TMPRSS4: variants seen among roughly 807,000 people sequenced by gnomAD.
TMPRSS4 encodes transmembrane protease serine 4.
In TMPRSS4, 45 loss-of-function variants were observed where a neutral mutation model predicts 56.4. The observed-to-expected ratio is 0.80, with a 90% CI of 0.63 to 1.02. The LOEUF (loss-of-function observed/expected upper bound fraction) is 1.02. TMPRSS4 is among the 50% of genes least tolerant of loss of function. The pLI is 0.00. For missense variants in TMPRSS4, 546 were observed against 556.7 expected, an observed-to-expected ratio of 0.98 and a Z score of 0.19; for synonymous variants, 205 against 211.0, an observed-to-expected ratio of 0.97 and a Z score of 0.25.
chr11:118,109,199 C>G (rs1254530036), intron 7 of TMPRSS4, among the ~76,000 whole-genome samples: 1 of 152,212 alleles, frequency 6.6e-6, no homozygotes, highest in Non-Finnish European at 1.5e-5. Context: ...GGGGCCTCCA[C>G]TGCCTCCCAT....
intron 1 of TMPRSS4, among the ~76,000 whole-genome samples, chr11:118,085,498 C>A (rs1203791447): frequency 6.6e-6 from 1 of 152,084 alleles, no homozygotes; most frequent in African/African-American, 2.4e-5. Context: ...CCTGCCATTT[C>A]CCTCCCTCTT....
intron 2 of TMPRSS4, among the ~76,000 whole-genome samples, chr11:118,097,387 C>T (rs1946465841): frequency 6.6e-6 from 1 of 152,076 alleles, no homozygotes; most frequent in Non-Finnish European, 1.5e-5. Flanking sequence ...AGGAAGGCCT[C>T]ACTGTGAAGG....
rs1946893226 is a variant in TMPRSS4, at chr11:118,104,619, C to G, written c.311-72C>G. On this transcript the variant is annotated intron_variant, in intron 4 of 12. Transcript: ENST00000437212. Reference sequence around the variant, plus strand: ...AGGTTGGGGGAGCTTGGGCTGGTCTCATGATGAGTTCTGAGGGGGATGGGC... The same window carrying G: ...AGGTTGGGGGAGCTTGGGCTGGTCTGATGATGAGTTCTGAGGGGGATGGGC... The G allele has an allele frequency of 4.4e-6, 7 of 1,609,168 alleles. No homozygotes were observed. The South Asian group carries it at 4.4e-5, about 10-fold the overall frequency.
intron 12 of TMPRSS4, 54 bp downstream of exon 12, chr11:118,117,508 G>A (rs643014): frequency 0.89 from 1,386,605 of 1,562,142 alleles, 620,659 homozygotes; most frequent in Non-Finnish European, 0.91. Context: ...TCTACCTGGG[G>A]GGTGCCAATC....
At chr11:118,098,130 G>T (rs1024899510) in intron 2 of TMPRSS4, among the ~76,000 whole-genome samples, 5 of 152,140 alleles carry the variant, frequency 3.3e-5, no homozygotes, top group Non-Finnish European at 5.9e-5. Context: ...ACTTTCAATG[G>T]CTCCTCACTG....
chr11:118,089,801 TAA>T (rs1388849722), intron 1 of TMPRSS4, among the ~76,000 whole-genome samples: 5 of 152,232 alleles, frequency 3.3e-5, no homozygotes, highest in Admixed American at 3.3e-4. Flanking sequence ...GTGCTATATG[TAA>T]TCTTTTGGGA....
intron 6 of TMPRSS4, 91 bp downstream of exon 6, chr11:118,107,966 GC>G: frequency 1.9e-6 from 2 of 1,028,728 alleles, no homozygotes; most frequent in Non-Finnish European, 3.0e-6. Context: ...ACCCCAAGCA[GC>G]CAGGGGAATG....
intron 11 of TMPRSS4, among the ~76,000 whole-genome samples, chr11:118,115,809 C>A (rs1489381824): frequency 1.3e-5 from 2 of 152,122 alleles, no homozygotes; most frequent in African/African-American, 4.8e-5. Flanking sequence ...GGTGACCCAG[C>A]AAGACTCCAT....
chr11:118,088,816 T>C (rs1591356569), intron 1 of TMPRSS4, among the ~76,000 whole-genome samples: 1 of 152,350 alleles, frequency 6.6e-6, no homozygotes, highest in East Asian at 1.9e-4. Context: ...AGCACATGTG[T>C]TGTTTGGTGA....
chr11:118,097,272 G>A (rs569089966), intron 2 of TMPRSS4, among the ~76,000 whole-genome samples: 2 of 152,120 alleles, frequency 1.3e-5, no homozygotes, highest in South Asian at 2.1e-4. Flanking sequence ...TACAAAATAA[G>A]TCAAATATAG....
downstream of TMPRSS4, chr11:118,125,179 C>A (rs1326199218): frequency 2.3e-6 from 1 of 434,916 alleles, no homozygotes; most frequent in East Asian, 7.1e-5. Context: ...CCAGGGCTTC[C>A]GGGAAAGGCT....
rs55861358 is a variant in TMPRSS4, at chr11:118,094,906, C to T, written c.43+51C>T. 3.3e-3 allele frequency: 5,212 copies of T among 1,595,782 alleles called. 12 individuals are homozygous for T. The highest frequency in any genetic ancestry group is 4.0e-3 in the Non-Finnish European group (4,728 of 1,169,672). ...GTCCACCTTAGCCTCTGAGTTTCAG[C>T]TACCAAGTAGATCCTAAGCCACTCG... is the stretch of plus-strand genomic sequence containing the variant. On this transcript the variant is annotated intron_variant, in intron 2 of 12. Transcript: ENST00000437212.
intron 1 of TMPRSS4, among the ~76,000 whole-genome samples, chr11:118,079,798 G>A (rs1430288935): frequency 6.6e-6 from 1 of 152,232 alleles, no homozygotes; most frequent in Non-Finnish European, 1.5e-5. Context: ...GGTGCTGGGA[G>A]CACTGCAGGG....
At chr11:118,098,659 C>T (rs4938481) in intron 2 of TMPRSS4, among the ~76,000 whole-genome samples, 42,949 of 152,070 alleles carry the variant, frequency 0.28, 6,569 homozygotes, top group Middle Eastern at 0.34. Flanking sequence ...GGGCTCAGGC[C>T]TCTCTCGGGC....
At chr11:118,085,039 C>T (rs986436545) in intron 1 of TMPRSS4, among the ~76,000 whole-genome samples, 4 of 152,138 alleles carry the variant, frequency 2.6e-5, no homozygotes, top group Non-Finnish European at 5.9e-5. Context: ...CTCCTGGGGG[C>T]TTGCAAAGGT....
At chr11:118,095,050 T>C (rs1285521030) in intron 2 of TMPRSS4, 195 bp downstream of exon 2, 1 of 628,930 alleles carries the variant, frequency 1.6e-6, no homozygotes, top group Non-Finnish European at 2.8e-6. Context: ...AGGCCTGGAC[T>C]CTGGGGAAAC....
chr11:118,108,180 G>A (rs1038330491), intron 6 of TMPRSS4: 2 of 252,552 alleles, frequency 7.9e-6, no homozygotes, highest in African/African-American at 2.2e-5. Flanking sequence ...TTTTGCTACT[G>A]CTGTAGGTTT....
At chr11:118,105,635 G>A (rs1284584380) in intron 5 of TMPRSS4, 1 of 152,260 alleles carries the variant, frequency 6.6e-6, no homozygotes, top group East Asian at 1.9e-4. Context: ...AGGGGCTAAT[G>A]AGATGGTTGA....
intron 1 of TMPRSS4, among the ~76,000 whole-genome samples, chr11:118,086,176 A>C (rs1945538520): frequency 6.6e-6 from 1 of 152,214 alleles, no homozygotes; most frequent in African/African-American, 2.4e-5. Flanking sequence ...GAATAGTTAC[A>C]TCTTCCCTGC....
Sources: gnomAD v4.1 joint callset for allele counts (sites outside exome capture counted in the v4.1 genomes callset) on GRCh38, gnomAD v4.1.1 for gene constraint, MANE v1.5 for transcripts, NCBI Gene and HGNC (gene_info 2026-07-23, HGNC 2026-07-21) for gene names.